UBE3C: variants seen among roughly 807,000 people sequenced by gnomAD.
UBE3C encodes ubiquitin-protein ligase E3C.
A neutral mutation model predicts 129.4 loss-of-function variants in UBE3C; 42 were observed. The observed-to-expected ratio is 0.32, with a 90% CI of 0.25 to 0.42. The LOEUF is 0.42. Ranked by LOEUF, UBE3C falls within the 10% of genes least tolerant of loss-of-function variation. UBE3C has a pLI of 1.00. For synonymous variants in UBE3C, 510 were observed against 492.4 expected (o/e 1.04, Z -0.47); for missense variants, 1,049 against 1,319.1 (o/e 0.80, Z 3.17).
intron 1 of UBE3C, among the ~76,000 whole-genome samples, chr7:157,163,429 C>T (rs1269531913): frequency 6.6e-6 from 1 of 151,760 alleles, no homozygotes; most frequent in Non-Finnish European, 1.5e-5. Flanking sequence ...ACCCAGAGAC[C>T]CCTGTCCACA....
At chr7:157,254,944 G>A (rs10261278) in intron 21 of UBE3C, among the ~76,000 whole-genome samples, 27 of 84,186 alleles carry the variant, frequency 3.2e-4, no homozygotes, top group African/African-American at 4.4e-4. Flanking sequence ...CTGCAGTCCC[G>A]GCGTGGTGGC....
At chr7:157,141,847 G>A (rs1431059882) in intron 1 of UBE3C, among the ~76,000 whole-genome samples, 1 of 152,220 alleles carries the variant, frequency 6.6e-6, no homozygotes, top group Non-Finnish European at 1.5e-5. Flanking sequence ...TCGGTGCACG[G>A]CATTGCCCTT....
intron 17 of UBE3C, among the ~76,000 whole-genome samples, chr7:157,229,930 T>TATTTA (rs56180280): frequency 5.9e-5 from 9 of 151,592 alleles, no homozygotes; most frequent in Non-Finnish European, 1.2e-4. Context: ...ATTTATTTTT[T>TATTTA]TTTTTTTTGA....
At chr7:157,214,298 T>C (rs1809675768) in intron 13 of UBE3C, among the ~76,000 whole-genome samples, 2 of 152,236 alleles carry the variant, frequency 1.3e-5, no homozygotes, top group African/African-American at 4.8e-5. Flanking sequence ...CTTAATTGTC[T>C]CATATAATTT....
intron 17 of UBE3C, among the ~76,000 whole-genome samples, chr7:157,227,574 C>CCTGTAGGG (rs1255650243): frequency 6.6e-6 from 1 of 151,942 alleles, no homozygotes; most frequent in African/African-American, 2.4e-5. Flanking sequence ...GTGGTAGGCA[C>CCTGTAGGG]CTGTAGTCCC....
intron 10 of UBE3C, among the ~76,000 whole-genome samples, chr7:157,199,251 T>C (rs1050251085): frequency 1.3e-5 from 2 of 152,206 alleles, no homozygotes; most frequent in African/African-American, 4.8e-5. Context: ...AAGTTCGTAT[T>C]TTTCGTAGCT....
At chr7:157,213,284 A>G (rs746741744) in intron 13 of UBE3C, among the ~76,000 whole-genome samples, 2 of 152,230 alleles carry the variant, frequency 1.3e-5, no homozygotes, top group African/African-American at 4.8e-5. Flanking sequence ...CTTACTTCAT[A>G]TAACTTACCA....
intron 10 of UBE3C, among the ~76,000 whole-genome samples, chr7:157,195,692 C>T (rs1809099694): frequency 6.6e-6 from 1 of 152,194 alleles, no homozygotes; most frequent in African/African-American, 2.4e-5. Flanking sequence ...CCCAGATCCT[C>T]TCCCAAATTT....
intron 2 of UBE3C, among the ~76,000 whole-genome samples, chr7:157,166,837 C>T (rs191812394): frequency 4.2e-4 from 63 of 151,612 alleles, no homozygotes; most frequent in Non-Finnish European, 8.0e-4. Flanking sequence ...TTGGAGATGT[C>T]GTATTTCCTT....
chr7:157,258,408 A>T (rs1466664468), intron 22 of UBE3C, among the ~76,000 whole-genome samples: 4 of 152,054 alleles, frequency 2.6e-5, no homozygotes, highest in African/African-American at 7.2e-5. Context: ...AAGGGGGAAA[A>T]AGTAATGTTA....
chr7:157,144,412 C>CG (rs1807545193), intron 1 of UBE3C, among the ~76,000 whole-genome samples: 2 of 151,828 alleles, frequency 1.3e-5, no homozygotes, highest in Admixed American at 6.5e-5. Flanking sequence ...TTTTGGGAGA[C>CG]GGGGGAAACT....
rs6459736 is a variant in UBE3C, at chr7:157,172,909, C to T, written c.343-2010C>T. 2.0e-3 allele frequency among the ~76,000 whole-genome samples: 300 copies of T among 152,288 alleles called. 2 individuals are homozygous for T. The highest frequency in any genetic ancestry group is 6.7e-3 in the African/African-American group (280 of 41,552). Reference sequence around the variant, plus strand: ...GGTCCTCAATCTTAGTCATCAGTCACGACATGGTGTAGCTACACAGTCTTG... The same window carrying T: ...GGTCCTCAATCTTAGTCATCAGTCATGACATGGTGTAGCTACACAGTCTTG... On this transcript the variant is annotated intron_variant, in intron 4 of 22. Coordinates refer to ENST00000348165, the MANE Select transcript of UBE3C (RefSeq NM_014671.3).
At chr7:157,250,624 A>G (rs1796597886) in intron 19 of UBE3C, among the ~76,000 whole-genome samples, 1 of 152,190 alleles carries the variant, frequency 6.6e-6, no homozygotes, top group Non-Finnish European at 1.5e-5. Context: ...TGCCTGTCCA[A>G]GAGCCATATT....
At chr7:157,182,415 G>T in intron 8 of UBE3C, 87 bp downstream of exon 8, 1 of 1,369,002 alleles carries the variant, frequency 7.3e-7, no homozygotes, top group Non-Finnish European at 1.0e-6. Context: ...AGTGGCAGGT[G>T]TTATGGAAAG....
At chr7:157,185,043 G>T (rs1020016779) in intron 9 of UBE3C, among the ~76,000 whole-genome samples, 1 of 152,192 alleles carries the variant, frequency 6.6e-6, no homozygotes, top group African/African-American at 2.4e-5. Flanking sequence ...AAAAGAGTGG[G>T]TTCTGTAGAT....
intron 21 of UBE3C, 92 bp downstream of exon 21, chr7:157,254,402 A>AT (rs370843256): frequency 0.063 from 36,543 of 576,748 alleles, 122 homozygotes; most frequent in Non-Finnish European, 0.069. Context: ...TAATTTATTT[A>AT]TTTTTTTTTT....
At position 157,267,822 on chromosome 7, in the gene UBE3C, C is replaced by G; in HGVS notation, c.*67C>G. On this transcript the variant is annotated 3_prime_UTR_variant, in exon 23 of 23. Coordinates refer to ENST00000348165, the MANE Select transcript of UBE3C (RefSeq NM_014671.3). ...CCTTCGTCAGCAGCGCCTCCCCAGA[C>G]CCACGAGGATACTCACACTGCACGC... 5.6e-6 allele frequency: 8 copies of G among 1,421,102 alleles called. No homozygotes were observed. The South Asian group carries it at 1.2e-4, about 21-fold the overall frequency. The allele number at this position is 1,421,102 out of a possible 1,614,324, so 88.0% of individuals were successfully genotyped here.
intron 18 of UBE3C, among the ~76,000 whole-genome samples, chr7:157,246,418 G>A (rs1796478521): frequency 6.6e-6 from 1 of 152,112 alleles, no homozygotes; most frequent in African/African-American, 2.4e-5. Flanking sequence ...CACACAGATC[G>A]CTCTAATATT....
At chr7:157,242,124 T>C (rs1584814580) in intron 18 of UBE3C, among the ~76,000 whole-genome samples, 1 of 152,220 alleles carries the variant, frequency 6.6e-6, no homozygotes, top group Non-Finnish European at 1.5e-5. Context: ...ATGTAAGTTA[T>C]GTGGGTGATA....
Sources: gnomAD v4.1 joint callset for allele counts (sites outside exome capture counted in the v4.1 genomes callset) on GRCh38, gnomAD v4.1.1 for gene constraint, MANE v1.5 for transcripts, NCBI Gene and HGNC (gene_info 2026-07-23, HGNC 2026-07-21) for gene names.